The following PALM2AKAP2 variants were observed in gnomAD, a reference collection of about 807,000 sequenced individuals.
PALM2AKAP2 encodes the protein PALM2-AKAP2 fusion protein.
PALM2AKAP2 carries 37 observed loss-of-function variants against 71.5 expected under a neutral mutation model. That is an observed-to-expected ratio of 0.52 (90% confidence interval 0.40 to 0.68). The LOEUF is 0.68. Ranked by LOEUF, PALM2AKAP2 falls within the 30% of genes least tolerant of loss-of-function variation. The pLI is 0.00. For missense variants in PALM2AKAP2, 1,224 were observed against 1,191.8 expected (o/e 1.03, Z -0.40); for synonymous variants, 468 against 478.8 (o/e 0.98, Z 0.29).
intron 5 of PALM2AKAP2, 64 bp downstream of exon 5, chr9:109,925,146 T>G: frequency 6.2e-7 from 1 of 1,607,118 alleles, no homozygotes; most frequent in Non-Finnish European, 8.5e-7. Flanking sequence ...GGGGGTTTCA[T>G]TAACAGGGGC....
intron 1 of PALM2AKAP2, among the ~76,000 whole-genome samples, chr9:109,642,397 A>G (rs991975038): frequency 1.3e-5 from 2 of 151,534 alleles, no homozygotes; most frequent in African/African-American, 4.8e-5. Flanking sequence ...AATAAGCTCA[A>G]TAAATATCAT....
At chr9:109,745,211 G>GC (rs1737573964) in intron 1 of PALM2AKAP2, among the ~76,000 whole-genome samples, 1 of 152,142 alleles carries the variant, frequency 6.6e-6, no homozygotes, top group Non-Finnish European at 1.5e-5. Context: ...TCGTAGCCGG[G>GC]CATGGTGGCA....
At position 109,781,099 on chromosome 9, in the gene PALM2AKAP2, C is replaced by G. The variant is rs542613039; in HGVS notation, c.45+566C>G. On this transcript the variant is annotated intron_variant, in intron 1 of 9. Coordinates refer to the PALM2AKAP2 transcript ENST00000302798. ...GTCTGGGGACTTCATACAACTGGGTCCTGGTTATAATATTCCATGAGAGCC... is the reference window on the plus strand; with the variant it reads ...GTCTGGGGACTTCATACAACTGGGTGCTGGTTATAATATTCCATGAGAGCC... Among the ~76,000 whole-genome samples the G allele has an allele frequency of 5.3e-5, 8 of 152,296 alleles. No homozygotes were observed. In the South Asian group the frequency reaches 1.7e-3, roughly 32 times the overall value.
chr9:109,813,688 C>G (rs890747362), intron 1 of PALM2AKAP2, among the ~76,000 whole-genome samples: 1 of 152,124 alleles, frequency 6.6e-6, no homozygotes, highest in Non-Finnish European at 1.5e-5. Context: ...TGGCCCATAA[C>G]TATGGGAGCT....
intron 1 of PALM2AKAP2, among the ~76,000 whole-genome samples, chr9:110,079,998 A>C (rs765307061): frequency 2.7e-4 from 35 of 127,378 alleles, no homozygotes; most frequent in Non-Finnish European, 4.7e-4. Flanking sequence ...TGAACCGGGG[A>C]GGTGGAGGTT....
At chr9:109,887,689 C>G (rs560544775) in intron 3 of PALM2AKAP2, among the ~76,000 whole-genome samples, 120 of 151,650 alleles carry the variant, frequency 7.9e-4, no homozygotes, top group African/African-American at 2.8e-3. Context: ...CTTGCTGCCC[C>G]CCCCTAAAAA....
rs149455459 is a variant in PALM2AKAP2, at chr9:109,878,383, G to T, written c.127-2168G>T. Among the ~76,000 whole-genome samples, 503 of 152,294 alleles carry T rather than the reference G, an allele frequency of 3.3e-3. 5 individuals are homozygous for T. The highest frequency in any genetic ancestry group is 0.012 in the African/African-American group (478 of 41,540). ...TGTCTATAATCACTGTAAGAGTATA[G>T]TTAGGAATAATTCTATGTGAACAAA... On this transcript the variant is annotated intron_variant, in intron 2 of 9. Transcript: ENST00000302798.
intron 1 of PALM2AKAP2, among the ~76,000 whole-genome samples, chr9:109,718,031 A>G (rs560864691): frequency 6.6e-6 from 1 of 152,254 alleles, no homozygotes. Flanking sequence ...AATTCTGAAG[A>G]TTAGTGTTTG....
intron 1 of PALM2AKAP2, chr9:109,867,168 G>C (rs201251679): frequency 0.26 from 51,089 of 194,868 alleles, 2,398 homozygotes; most frequent in African/African-American, 0.41. Context: ...GGTTCTCTGT[G>C]TGTGTGTGTG....
chr9:109,811,714 G>A (rs1827731722), intron 1 of PALM2AKAP2, among the ~76,000 whole-genome samples: 1 of 152,120 alleles, frequency 6.6e-6, no homozygotes. Context: ...TGTGACTACA[G>A]GTGTGTGCCA....
upstream of PALM2AKAP2, among the ~76,000 whole-genome samples, chr9:109,778,879 C>G (rs951141329): frequency 2.6e-5 from 4 of 151,818 alleles, no homozygotes; most frequent in African/African-American, 9.7e-5. Flanking sequence ...AGTGATTCTC[C>G]TGCCTCGGCT....
At chr9:110,081,397 A>C (rs1834446236) in intron 1 of PALM2AKAP2, among the ~76,000 whole-genome samples, 3 of 152,240 alleles carry the variant, frequency 2.0e-5, no homozygotes, top group African/African-American at 7.2e-5. Flanking sequence ...TTGGAAAGGC[A>C]GGGGTGGGAC....
chr9:109,932,991 A>G lies in PALM2AKAP2; in HGVS notation c.496+963A>G, dbSNP rs1285799323. Among the ~76,000 whole-genome samples, 4 of 152,260 alleles carry G rather than the reference A, an allele frequency of 2.6e-5. No individual in the cohort carries two copies. The East Asian group carries it at 7.7e-4, about 29-fold the overall frequency. ...GCAAAGAATCCCTACTTATTTTAAT[A>G]CAAAAGTAAAATAAAAGGCAAGTAA... On this transcript the variant is annotated intron_variant, in intron 6 of 9. Transcript: ENST00000302798.
rs188429644 is a variant in PALM2AKAP2, at chr9:109,655,240, G to A, written c.5+14374G>A. ...GAACCTGGGAGGTGGAGCTTGCACCGCGTGAGCCGAGATCGGCCACTGCAC... is the reference window on the plus strand; with the variant it reads ...GAACCTGGGAGGTGGAGCTTGCACCACGTGAGCCGAGATCGGCCACTGCAC... On this transcript the variant is annotated intron_variant, in intron 1 of 6. Coordinates refer to the PALM2AKAP2 transcript ENST00000374531. 2.9e-3 allele frequency among the ~76,000 whole-genome samples: 427 copies of A among 149,434 alleles called. 5 individuals carry two copies. The highest frequency in any genetic ancestry group is 6.2e-4 in the Non-Finnish European group (42 of 67,660).
At chr9:110,089,935 A>G (rs1280679774) in intron 1 of PALM2AKAP2, among the ~76,000 whole-genome samples, 1 of 152,198 alleles carries the variant, frequency 6.6e-6, no homozygotes, top group East Asian at 1.9e-4. Context: ...CAACAACAAC[A>G]AAAAACCACA....
chr9:110,142,194 C>T (rs1197626134), intron 2 of PALM2AKAP2, among the ~76,000 whole-genome samples: 1 of 151,576 alleles, frequency 6.6e-6, no homozygotes, highest in African/African-American at 2.4e-5. Context: ...GCCTCAGCCT[C>T]CTGAATAGCT....
intron 6 of PALM2AKAP2, among the ~76,000 whole-genome samples, chr9:109,970,812 T>A (rs1483830673): frequency 1.3e-5 from 2 of 152,214 alleles, no homozygotes; most frequent in Non-Finnish European, 2.9e-5. Context: ...CCTGTGAATA[T>A]TAAAAATTTC....
chr9:109,853,817 A>G (rs1829083452), intron 1 of PALM2AKAP2, among the ~76,000 whole-genome samples: 1 of 152,126 alleles, frequency 6.6e-6, no homozygotes, highest in Non-Finnish European at 1.5e-5. Context: ...TTAAACTGTA[A>G]TCTTTTGTAT....
In PALM2AKAP2 at chr9:109,759,932, C is replaced by T. The variant is rs566437238; in HGVS notation, c.6-20556C>T. Among the ~76,000 whole-genome samples, 4 of 152,196 alleles carry T rather than the reference C, an allele frequency of 2.6e-5. No homozygotes were observed. The South Asian group carries it at 8.3e-4, about 32-fold the overall frequency. ...TAATTTATATATGGCAAAATTCACT[C>T]TTTTCAAATGTACAGTTCAACGTGT... On this transcript the variant is annotated intron_variant, in intron 1 of 6. Transcript: ENST00000374531.
Sources: gnomAD v4.1 joint callset for allele counts (sites outside exome capture counted in the v4.1 genomes callset) on GRCh38, gnomAD v4.1.1 for gene constraint, MANE v1.5 for transcripts, NCBI Gene and HGNC (gene_info 2026-07-23, HGNC 2026-07-21) for gene names.